Variants in MLIP observed in about 807,000 individuals in gnomAD.
The protein encoded by MLIP is muscular LMNA interacting protein, also known as muscular LMNA-interacting protein.
In MLIP, 79 loss-of-function variants were observed where a neutral mutation model predicts 84.8. The ratio of observed to expected loss-of-function variants is 0.93; its 90% confidence interval spans 0.78 to 1.12. MLIP has a LOEUF of 1.12. Among genes scored for constraint, MLIP ranks in the 50% most tolerant of loss-of-function variants. The pLI is 0.00. For synonymous variants in MLIP, 504 were observed against 463.0 expected (o/e 1.09, Z -1.14); for missense variants, 1,257 against 1,160.6 (o/e 1.08, Z -1.21).
intron 1 of MLIP, among the ~76,000 whole-genome samples, chr6:54,033,217 C>T (rs982305057): frequency 4.6e-5 from 7 of 151,436 alleles, no homozygotes; most frequent in Non-Finnish European, 7.4e-5. Flanking sequence ...ATCATCACCA[C>T]GAATCTTGGA....
intron 1 of MLIP, among the ~76,000 whole-genome samples, chr6:54,070,394 A>T (rs979661588): frequency 6.6e-6 from 1 of 152,118 alleles, no homozygotes; most frequent in Admixed American, 6.6e-5. Context: ...TTAAGCATGG[A>T]TTCTCTGCTT....
intron 10 of MLIP, among the ~76,000 whole-genome samples, chr6:54,201,233 A>G (rs1778656719): frequency 6.6e-6 from 1 of 152,178 alleles, no homozygotes. Flanking sequence ...TGACTGATGT[A>G]TTAGCTAAAA....
chr6:54,047,538 T>A (rs1457736411), intron 1 of MLIP: 1 of 152,172 alleles, frequency 6.6e-6, no homozygotes, highest in East Asian at 1.9e-4. Flanking sequence ...CAAAAAACTA[T>A]GATGGCAGAG....
intron 13 of MLIP, 111 bp from the exon 14 acceptor site, chr6:54,265,835 TATAA>T: frequency 1.1e-6 from 1 of 934,312 alleles, no homozygotes; most frequent in African/African-American, 1.7e-5. Flanking sequence ...CCTATTGTAG[TATAA>T]ACCATTTTTT....
chr6:54,055,270 C>T (rs1582043388), intron 1 of MLIP, among the ~76,000 whole-genome samples: 1 of 152,078 alleles, frequency 6.6e-6, no homozygotes, highest in African/African-American at 2.4e-5. Flanking sequence ...ATCCCGGGCA[C>T]ACAGCAGGGA....
intron 4 of MLIP, among the ~76,000 whole-genome samples, chr6:54,140,618 A>G (rs900352619): frequency 2.6e-5 from 4 of 152,176 alleles, no homozygotes; most frequent in African/African-American, 9.6e-5. Context: ...ATTCTTTTTC[A>G]TGTTTATTTT....
intron 3 of MLIP, among the ~76,000 whole-genome samples, chr6:54,129,983 CTT>C (rs1020554444): frequency 6.6e-6 from 1 of 152,004 alleles, no homozygotes; most frequent in African/African-American, 2.4e-5. Context: ...TTTTAAATAA[CTT>C]TTCTCCAGTG....
intron 4 of MLIP, among the ~76,000 whole-genome samples, chr6:54,141,658 A>G (rs1378724016): frequency 3.3e-5 from 5 of 152,108 alleles, no homozygotes; most frequent in African/African-American, 1.2e-4. Context: ...CCCATGCAAA[A>G]GACTGGATAT....
chr6:54,137,696 A>G lies in MLIP; in HGVS notation c.1627A>G (p.Ser543Gly). Residue 543 changes from serine (S) to glycine (G), a missense_variant, in exon 4 of 14, where the codon AGT becomes GGT. Ser to Gly is a moderately conservative substitution (Grantham distance 56). Transcript: ENST00000502396. ...SNTMLSLLQT[S>G]TSSSVGLPPV... ...TACCATGCTCTCCCTGCTACAAACC[A>G]GTACATCCAGTTCTGTGGGTCTTCC... 1 of 1,536,070 alleles carries G rather than the reference A, an allele frequency of 6.5e-7. No individual in the cohort carries two copies. Among genetic ancestry groups the G allele is most frequent in the Non-Finnish European group, 8.7e-7 (1 of 1,146,886 alleles).
Position 54,160,571 on chromosome 6 carries a change from A to G in MLIP, c.2411A>G (p.Asp804Gly), listed in dbSNP as rs1774519357. 1 of 1,612,290 alleles carries G rather than the reference A, an allele frequency of 6.2e-7. No homozygotes were observed. Among genetic ancestry groups the G allele is most frequent in the East Asian group, 2.2e-5 (1 of 44,800 alleles). Reference protein sequence around the residue: ...QQTEELCATIDKVLQDSLSMH... With the variant: ...QQTEELCATIGKVLQDSLSMH... ...ACTGAAGAGCTCTGTGCTACCATTG[A>G]TAAGGTCTTACAGGATTCCTTGTCT... Residue 804 changes from aspartate (D) to glycine (G), a missense_variant, in exon 7 of 14, where the codon GAT becomes GGT. By Grantham distance (94) the Asp-to-Gly change is moderately conservative. Coordinates refer to ENST00000502396, the MANE Select transcript of MLIP (RefSeq NM_001281747.2).
chr6:54,217,446 A>G (rs772867575), intron 11 of MLIP: 6 of 985,318 alleles, frequency 6.1e-6, no homozygotes, highest in Non-Finnish European at 6.0e-6. Flanking sequence ...AATGCATCAG[A>G]TATGGCTATA....
At chr6:54,139,989 C>T (rs1339933693) in intron 4 of MLIP, among the ~76,000 whole-genome samples, 1 of 151,956 alleles carries the variant, frequency 6.6e-6, no homozygotes, top group East Asian at 1.9e-4. Flanking sequence ...TAAAATTTAA[C>T]TTTTTCTGTG....
At chr6:54,188,023 A>G (rs1777565623) in intron 9 of MLIP, among the ~76,000 whole-genome samples, 1 of 152,208 alleles carries the variant, frequency 6.6e-6, no homozygotes, top group Non-Finnish European at 1.5e-5. Flanking sequence ...AAAAATGTAT[A>G]TACATTAACC....
At chr6:54,134,331 C>A (rs1561964969) in intron 3 of MLIP, among the ~76,000 whole-genome samples, 1 of 151,998 alleles carries the variant, frequency 6.6e-6, no homozygotes, top group African/African-American at 2.4e-5. Context: ...AAGAATCCTT[C>A]ACCCCTGAGA....
intron 1 of MLIP, among the ~76,000 whole-genome samples, chr6:54,055,205 A>ATGTC (rs909789803): frequency 9.9e-5 from 15 of 152,026 alleles, no homozygotes; most frequent in Non-Finnish European, 2.1e-4. Context: ...TCTTTTTTAT[A>ATGTC]TGTCTGTTTC....
chr6:54,210,527 A>G (rs1203617400), intron 11 of MLIP, among the ~76,000 whole-genome samples: 3 of 152,120 alleles, frequency 2.0e-5, no homozygotes, highest in Non-Finnish European at 2.9e-5. Flanking sequence ...TTGTTTGTTA[A>G]TGCTATTAAA....
intron 1 of MLIP, among the ~76,000 whole-genome samples, chr6:54,100,295 A>C (rs1768546324): frequency 2.2e-5 from 1 of 45,406 alleles, no homozygotes; most frequent in Non-Finnish European, 4.4e-5. Context: ...CTTGATAAGT[A>C]CATAAAGTGC....
intron 12 of MLIP, among the ~76,000 whole-genome samples, chr6:54,254,954 A>G (rs1782907728): frequency 6.6e-6 from 1 of 152,040 alleles, no homozygotes; most frequent in Admixed American, 6.6e-5. Context: ...ACGACTTCTC[A>G]CTGCCTAAGA....
intron 5 of MLIP, among the ~76,000 whole-genome samples, chr6:54,154,402 T>C: frequency 6.6e-6 from 1 of 152,206 alleles, no homozygotes; most frequent in East Asian, 1.9e-4. Flanking sequence ...GGAAGTAAGC[T>C]GGCACTTTTG....
Sources: gnomAD v4.1 joint callset for allele counts (sites outside exome capture counted in the v4.1 genomes callset) on GRCh38, gnomAD v4.1.1 for gene constraint, MANE v1.5 for transcripts, NCBI Gene and HGNC (gene_info 2026-07-23, HGNC 2026-07-21) for gene names.